The following C6orf163 variants were observed in gnomAD, a reference collection of about 807,000 sequenced individuals.
C6orf163 encodes the protein uncharacterized protein C6orf163.
A neutral mutation model predicts 28.4 loss-of-function variants in C6orf163; 22 were observed. The observed-to-expected ratio is 0.78, with a 90% CI of 0.55 to 1.11. The LOEUF is 1.11. C6orf163 is among the 50% of genes least tolerant of loss of function. The pLI is 0.00. For missense variants in C6orf163, 342 were observed against 389.1 expected (o/e 0.88, Z 1.02); for synonymous variants, 110 against 123.6 (o/e 0.89, Z 0.73).
rs1777496442 is a variant in C6orf163 at position 87,356,028 on chromosome 6, C to G, written c.352-273C>G. On this transcript the variant is annotated intron_variant, in intron 3 of 4. Coordinates refer to ENST00000388923, the MANE Select transcript of C6orf163 (RefSeq NM_001010868.3). ...CAATCAAGAAAAAAGACCTTTAACC[C>G]TACCCCTCTAACCCAACTATTTTCT... is the stretch of plus-strand genomic sequence containing the variant. 5.6e-6 allele frequency: 2 copies of G among 359,130 alleles called. 1 individual carries two copies. Among genetic ancestry groups the G allele is most frequent in the South Asian group, 1.0e-4 (2 of 19,862 alleles). The allele number at this position is 359,130 out of a possible 1,614,324, so 22.2% of individuals were successfully genotyped here. A position where few individuals can be genotyped will look rare whatever the true frequency, so the allele number is the denominator to read the frequency against.
chr6:87,346,047 C>T (rs1439250998), intron 1 of C6orf163, among the ~76,000 whole-genome samples: 6 of 120,600 alleles, frequency 5.0e-5, no homozygotes, highest in South Asian at 2.7e-4. Context: ...GTTTACTGTA[C>T]ATACGTATGT....
intron 4 of C6orf163, among the ~76,000 whole-genome samples, chr6:87,359,880 A>G (rs547819328): frequency 7.9e-5 from 12 of 152,228 alleles, no homozygotes; most frequent in Non-Finnish European, 1.2e-4. Flanking sequence ...TAGAGATGCC[A>G]GAAGAACCTC....
At chr6:87,349,722 T>TAATGCTCCAGTTCTTTATG (rs1777382080) in intron 2 of C6orf163, among the ~76,000 whole-genome samples, 1 of 152,226 alleles carries the variant, frequency 6.6e-6, no homozygotes, top group Non-Finnish European at 1.5e-5. Flanking sequence ...TGAACATACA[T>TAATGCTCCAGTTCTTTATG]AATGCTCCAG....
rs1205549908 is a variant in C6orf163 at position 87,355,409 on chromosome 6, A to G, written c.352-892A>G. Among the ~76,000 whole-genome samples the G allele has an allele frequency of 2.0e-5, 3 of 152,060 alleles. No homozygotes were observed. In the East Asian group the frequency reaches 5.8e-4, roughly 29 times the overall value. ...AACCCTATTTTGACAAAAAATACAA[A>G]AATTAGCCAGGCATGGTGGCAAGTG... is the stretch of plus-strand genomic sequence containing the variant. On this transcript the variant is annotated intron_variant, in intron 3 of 4. Coordinates refer to ENST00000388923, the MANE Select transcript of C6orf163 (RefSeq NM_001010868.3).
chr6:87,360,274 C>T (rs949304524), intron 4 of C6orf163, among the ~76,000 whole-genome samples: 11 of 121,198 alleles, frequency 9.1e-5, no homozygotes, highest in East Asian at 2.3e-4. Context: ...GGCCCTCTTT[C>T]GATAAAAAAA....
intron 1 of C6orf163, chr6:87,347,735 G>T (rs1249074944): frequency 2.0e-6 from 2 of 985,376 alleles, no homozygotes; most frequent in African/African-American, 1.7e-5. Flanking sequence ...CTTTCAATCT[G>T]TCCATGCTTA....
chr6:87,360,803 C>G (rs1254521855), intron 4 of C6orf163, among the ~76,000 whole-genome samples: 1 of 152,062 alleles, frequency 6.6e-6, no homozygotes, highest in Non-Finnish European at 1.5e-5. Flanking sequence ...TCTGTATTAC[C>G]CACTTATTCA....
rs954768664 is a variant in C6orf163 at position 87,365,166 on chromosome 6, C to T, written c.760C>T (p.Leu254=). Residue 254 remains leucine, a synonymous_variant, in exon 5 of 5, where the codon CTG becomes TTG. Coordinates refer to ENST00000388923, the MANE Select transcript of C6orf163 (RefSeq NM_001010868.3). ...QATLGNMMDK[L]ANTQGELLSI... ...CACTCTTGGCAATATGATGGATAAACTGGCTAACACCCAGGGGGAGCTGCT... is the reference window on the plus strand; with the variant it reads ...CACTCTTGGCAATATGATGGATAAATTGGCTAACACCCAGGGGGAGCTGCT... The T allele has an allele frequency of 6.4e-5, 100 of 1,551,770 alleles. No individual in the cohort carries two copies. The highest frequency in any genetic ancestry group is 8.1e-5 in the Non-Finnish European group (93 of 1,147,028).
At chr6:87,349,357 C>T (rs1268826881) in intron 2 of C6orf163, among the ~76,000 whole-genome samples, 1 of 152,140 alleles carries the variant, frequency 6.6e-6, no homozygotes, top group Non-Finnish European at 1.5e-5. Context: ...GCATGTAACA[C>T]TCCTGTTTCC....
chr6:87,357,977 A>G (rs1466866820), intron 4 of C6orf163: 1 of 152,248 alleles, frequency 6.6e-6, no homozygotes, highest in Non-Finnish European at 1.5e-5. Context: ...AGTCTGGCAC[A>G]TGGTAGGCAT....
intron 4 of C6orf163, among the ~76,000 whole-genome samples, chr6:87,361,745 A>G (rs1200894339): frequency 6.6e-6 from 1 of 152,142 alleles, no homozygotes; most frequent in African/African-American, 2.4e-5. Flanking sequence ...CCCGGGTTGA[A>G]AATCAGCAAG....
chr6:87,364,218 G>C (rs1766815360), intron 4 of C6orf163, among the ~76,000 whole-genome samples: 1 of 152,054 alleles, frequency 6.6e-6, no homozygotes. Context: ...CTGGGAGCTG[G>C]AGGTTGCAGT....
At chr6:87,356,660 TGTAGA>T (rs1048232993) in intron 4 of C6orf163, among the ~76,000 whole-genome samples, 157 bp downstream of exon 4, 1 of 152,218 alleles carries the variant, frequency 6.6e-6, no homozygotes, top group African/African-American at 2.4e-5. Flanking sequence ...CAATTTATAT[TGTAGA>T]GTATGTGTGT....
intron 3 of C6orf163, among the ~76,000 whole-genome samples, chr6:87,351,660 G>A (rs1021937212): frequency 6.6e-6 from 1 of 152,230 alleles, no homozygotes; most frequent in Non-Finnish European, 1.5e-5. Context: ...CAGCTGCTAT[G>A]TACAAGTATG....
In C6orf163 at chr6:87,362,583, A is replaced by G. The variant is rs148855585; in HGVS notation, c.555-2378A>G. 1.6e-3 allele frequency among the ~76,000 whole-genome samples: 250 copies of G among 152,364 alleles called. 1 individual carries two copies. The highest frequency in any genetic ancestry group is 5.6e-3 in the African/African-American group (233 of 41,590). ...GTTCCTGCAATACAGTAAGTACTCA[A>G]TAATCATTACCCCTGTTATTAATAT... On this transcript the variant is annotated intron_variant, in intron 4 of 4. Coordinates refer to ENST00000388923, the MANE Select transcript of C6orf163 (RefSeq NM_001010868.3).
intron 1 of C6orf163, among the ~76,000 whole-genome samples, chr6:87,346,701 T>C (rs1283052838): frequency 6.6e-6 from 1 of 152,218 alleles, no homozygotes; most frequent in South Asian, 2.1e-4. Flanking sequence ...AAAAAAAATA[T>C]TAATACAGAT....
At chr6:87,353,893 C>T (rs1009430067) in intron 3 of C6orf163, among the ~76,000 whole-genome samples, 7 of 152,112 alleles carry the variant, frequency 4.6e-5, no homozygotes, top group Admixed American at 1.3e-4. Context: ...TCTCTGTAGC[C>T]CACGCAGGAG....
At chr6:87,347,193 A>C (rs1777337909) in intron 1 of C6orf163, 1 of 159,000 alleles carries the variant, frequency 6.3e-6, no homozygotes, top group African/African-American at 2.4e-5. Flanking sequence ...TTTATCACTG[A>C]GAATGCTATC....
At chr6:87,353,812 T>G (rs1777456383) in intron 3 of C6orf163, among the ~76,000 whole-genome samples, 1 of 152,214 alleles carries the variant, frequency 6.6e-6, no homozygotes, top group South Asian at 2.1e-4. Flanking sequence ...TTATGCTTAT[T>G]TGGCAACCTA....
Sources: allele counts gnomAD v4.1 joint callset (sites outside exome capture counted in the v4.1 genomes callset), GRCh38; gene constraint gnomAD v4.1.1; transcripts MANE v1.5; gene names NCBI Gene and HGNC (gene_info 2026-07-23, HGNC 2026-07-21).